VEGFC: variants seen among roughly 807,000 people sequenced by gnomAD.
The protein encoded by VEGFC is FLT4 ligand DHM.
Under a neutral mutation model 46.1 loss-of-function variants are expected in VEGFC, and 12 were observed. That is an observed-to-expected ratio of 0.26 (90% confidence interval 0.17 to 0.42). VEGFC has a LOEUF of 0.42. VEGFC is among the 10% of genes least tolerant of loss of function. VEGFC has a pLI of 1.00. For synonymous variants in VEGFC, 232 were observed against 195.5 expected (o/e 1.19, Z -1.56); for missense variants, 488 against 529.4 (o/e 0.92, Z 0.77).
intron 1 of VEGFC, among the ~76,000 whole-genome samples, chr4:176,746,009 A>C (rs1735253286): frequency 6.6e-6 from 1 of 152,128 alleles, no homozygotes; most frequent in Non-Finnish European, 1.5e-5. Context: ...AACATAAAAC[A>C]GAAGTCAAGT....
intron 1 of VEGFC, among the ~76,000 whole-genome samples, chr4:176,785,687 G>C (rs992360771): frequency 6.6e-6 from 1 of 151,840 alleles, no homozygotes; most frequent in Non-Finnish European, 1.5e-5. Flanking sequence ...TGCAAATATA[G>C]AGATTCTAAT....
At chr4:176,755,365 T>G (rs909716754) in intron 1 of VEGFC, among the ~76,000 whole-genome samples, 1 of 152,052 alleles carries the variant, frequency 6.6e-6, no homozygotes, top group East Asian at 1.9e-4. Flanking sequence ...TTAACAAGAC[T>G]TTTTGTATAA....
intron 4 of VEGFC, among the ~76,000 whole-genome samples, chr4:176,690,261 T>A (rs1734129539): frequency 6.6e-6 from 1 of 152,158 alleles, no homozygotes; most frequent in African/African-American, 2.4e-5. Context: ...AACATGTATG[T>A]AATTATCAGA....
At chr4:176,720,321 C>G (rs1560945007) in intron 3 of VEGFC, among the ~76,000 whole-genome samples, 1 of 152,118 alleles carries the variant, frequency 6.6e-6, no homozygotes, top group Non-Finnish European at 1.5e-5. Flanking sequence ...AGTTATTGTT[C>G]TAAAATTTTA....
At chr4:176,757,605 A>G (rs1238880129) in intron 1 of VEGFC, among the ~76,000 whole-genome samples, 1 of 3,218 alleles carries the variant, frequency 3.1e-4, no homozygotes, top group Non-Finnish European at 1.7e-3. Context: ...AACATCAGCA[A>G]AAAAAAAAAA....
At chr4:176,725,421 T>C (rs565774991) in intron 3 of VEGFC, among the ~76,000 whole-genome samples, 1 of 152,232 alleles carries the variant, frequency 6.6e-6, no homozygotes, top group Non-Finnish European at 1.5e-5. Context: ...CTCCTGCCTC[T>C]GCCTCCTCAG....
chr4:176,733,249 C>G (rs1343605106), intron 1 of VEGFC, among the ~76,000 whole-genome samples: 1 of 151,852 alleles, frequency 6.6e-6, no homozygotes, highest in Non-Finnish European at 1.5e-5. Context: ...AAATTTCAGT[C>G]CTGTATAGTA....
intron 1 of VEGFC, among the ~76,000 whole-genome samples, chr4:176,747,385 C>G (rs1337764364): frequency 1.3e-5 from 2 of 151,876 alleles, no homozygotes; most frequent in Non-Finnish European, 2.9e-5. Flanking sequence ...AAAAACAAAT[C>G]CCTTTTAAAA....
intron 3 of VEGFC, among the ~76,000 whole-genome samples, chr4:176,714,313 T>G (rs1027999790): frequency 2.0e-5 from 3 of 152,142 alleles, no homozygotes; most frequent in Non-Finnish European, 2.9e-5. Flanking sequence ...TTCCCTCTCT[T>G]GCTCACACTC....
chr4:176,727,874 AAAG>A lies in VEGFC; in HGVS notation c.453_455del (p.Phe152del). On this transcript the variant is annotated inframe_deletion, in exon 3 of 7. Coordinates refer to ENST00000618562, the MANE Select transcript of VEGFC (RefSeq NM_005429.5). Reference sequence around the variant, plus strand: ...TGTAGACGGACACACATGGAGGTTTAAAGAAGGTGTTTGTCGCGACTCCAAACT... The same window carrying A: ...TGTAGACGGACACACATGGAGGTTTAAAGGTGTTTGTCGCGACTCCAAACT... 1 of 1,614,042 alleles carries A rather than the reference AAAG, an allele frequency of 6.2e-7. No homozygotes were observed. The highest frequency in any genetic ancestry group is 1.1e-5 in the South Asian group (1 of 91,080).
chr4:176,703,701 G>A (rs957399024), intron 4 of VEGFC, among the ~76,000 whole-genome samples: 6 of 151,932 alleles, frequency 3.9e-5, no homozygotes, highest in South Asian at 4.1e-4. Flanking sequence ...TGACCATTAC[G>A]CATTATATGT....
Position 176,781,547 on chromosome 4 carries a change from GGAGT to G in VEGFC, c.147+10614_147+10617del, listed in dbSNP as rs1448457932. Among the ~76,000 whole-genome samples, 4 of 152,242 alleles carry G rather than the reference GGAGT, an allele frequency of 2.6e-5. No individual in the cohort carries two copies. In the South Asian group the frequency reaches 6.2e-4, roughly 24 times the overall value. On this transcript the variant is annotated intron_variant, in intron 1 of 6. Transcript: ENST00000618562. ...TCAACTAGCTACTTCCAAGAAATTT[GGAGT>G]GAGTGGAAATAACAATCCCTTTTAC...
At chr4:176,787,013 C>T (rs1736013771) in intron 1 of VEGFC, among the ~76,000 whole-genome samples, 1 of 151,992 alleles carries the variant, frequency 6.6e-6, no homozygotes, top group African/African-American at 2.4e-5. Flanking sequence ...AATACTCACA[C>T]CCCAAAAACA....
rs1474125304 is a variant in VEGFC at position 176,792,568 on chromosome 4, G to T, written c.-257C>A. On this transcript the variant is annotated 5_prime_UTR_variant, in exon 1 of 7. Transcript: ENST00000618562. The surrounding 1 kb of genome is among the most constrained non-coding windows in gnomAD (Gnocchi z 6.3). ...GCCTCACAGGAAACCGGACATCCGA[G>T]CTCCCCGCATTCGGAGCCCGCGAGG... The T allele has an allele frequency of 5.6e-6, 2 of 356,830 alleles. No individual in the cohort carries two copies. The highest frequency in any genetic ancestry group is 1.0e-5 in the Non-Finnish European group (2 of 200,554). The allele number at this position is 356,830 out of a possible 1,614,324, so 22.1% of individuals were successfully genotyped here. A position where few individuals can be genotyped will look rare whatever the true frequency, so the allele number is the denominator to read the frequency against.
intron 6 of VEGFC, among the ~76,000 whole-genome samples, chr4:176,685,989 A>G (rs1388225917): frequency 1.3e-5 from 2 of 152,218 alleles, no homozygotes; most frequent in Non-Finnish European, 2.9e-5. Flanking sequence ...AATAATGAAC[A>G]TTAGTGAAGA....
intron 4 of VEGFC, among the ~76,000 whole-genome samples, chr4:176,693,800 A>G (rs1299375961): frequency 1.4e-5 from 2 of 143,544 alleles, no homozygotes; most frequent in Non-Finnish European, 3.0e-5. Context: ...CCTACAAGCC[A>G]GAAGAGAGTG....
chr4:176,711,338 A>G (rs1295475127), intron 4 of VEGFC, among the ~76,000 whole-genome samples, 161 bp downstream of exon 4: 1 of 152,100 alleles, frequency 6.6e-6, no homozygotes, highest in African/African-American at 2.4e-5. Context: ...TTTTCAGTTT[A>G]TTTTCATTGT....
rs1735043507 is a variant in VEGFC, at chr4:176,735,776, T to G, written c.148-6030A>C. 6.6e-5 allele frequency among the ~76,000 whole-genome samples: 10 copies of G among 151,894 alleles called. No homozygotes were observed. The Admixed American group carries it at 6.6e-4, about 10-fold the overall frequency. ...GGGGCCATGGGACCACATAACATCA[T>G]GCCAGCTGCTTCAAAGAGGTGCCTG... On this transcript the variant is annotated intron_variant, in intron 1 of 6. Coordinates refer to ENST00000618562, the MANE Select transcript of VEGFC (RefSeq NM_005429.5).
intron 1 of VEGFC, among the ~76,000 whole-genome samples, chr4:176,751,740 A>C (rs1284554209): frequency 6.6e-6 from 1 of 152,020 alleles, no homozygotes; most frequent in Non-Finnish European, 1.5e-5. Context: ...CGTAAAAAAA[A>C]AGCATAAAAA....
Sources: allele counts gnomAD v4.1 joint callset (sites outside exome capture counted in the v4.1 genomes callset), GRCh38; gene constraint gnomAD v4.1.1; non-coding constraint Gnocchi (gnomAD v3.1); transcripts MANE v1.5; gene names NCBI Gene and HGNC (gene_info 2026-07-23, HGNC 2026-07-21).